Variants in VPS4A observed in about 807,000 individuals in gnomAD.
VPS4A encodes the protein vacuolar protein sorting 4 homolog A.
VPS4A carries 20 observed loss-of-function variants against 52.3 expected under a neutral mutation model. The observed-to-expected ratio is 0.38, with a 90% CI of 0.27 to 0.56. VPS4A has a LOEUF of 0.56. VPS4A is among the 20% of genes least tolerant of loss of function. The pLI is 0.72. For missense variants in VPS4A, 419 were observed against 575.9 expected, an observed-to-expected ratio of 0.73 and a Z score of 2.79; for synonymous variants, 293 against 227.7, an observed-to-expected ratio of 1.29 and a Z score of -2.58.
In VPS4A at chr16:69,318,727, C is replaced by T. The variant is rs745854944; in HGVS notation, c.343+16C>T. The T allele has an allele frequency of 6.2e-7, 1 of 1,613,570 alleles. No individual in the cohort carries two copies. Among genetic ancestry groups the T allele is most frequent in the Non-Finnish European group, 8.5e-7 (1 of 1,179,774 alleles). ...CAGCTGATGGGTAAGTGGCTCGCGG[C>T]CCTGTGGCAGCGGCAGGGGATGAGA... On this transcript the variant is annotated intron_variant, in intron 4 of 10. Coordinates refer to ENST00000254950, the MANE Select transcript of VPS4A (RefSeq NM_013245.3).
At chr16:69,312,073 A>C (rs527461321) in intron 1 of VPS4A, among the ~76,000 whole-genome samples, 1 of 152,084 alleles carries the variant, frequency 6.6e-6, no homozygotes, top group South Asian at 2.1e-4. Flanking sequence ...CAACTGACCC[A>C]CCCTCTAGGT....
At position 69,324,884 on chromosome 16, in the gene VPS4A, T is replaced by TG. The variant is rs1200007963; in HGVS notation, c.*580dup. The stretch of plus-strand genomic sequence containing the variant: ...TTCACATCCAGGGCTGTGTCTTCCT[T>TG]GGGGGAGGAGATGGTGTCGTTTAGA... On this transcript the variant is annotated 3_prime_UTR_variant, in exon 11 of 11. Transcript: ENST00000254950. The TG allele has an allele frequency of 6.3e-6, 1 of 159,534 alleles. No homozygotes were observed. Among genetic ancestry groups the TG allele is most frequent in the East Asian group, 1.8e-4 (1 of 5,678 alleles). The allele number at this position is 159,534 out of a possible 1,614,324, so 9.9% of individuals were successfully genotyped here.
chr16:69,324,407 C>A lies in VPS4A; in HGVS notation c.*98C>A. 7.8e-7 allele frequency: 1 copy of A among 1,288,498 alleles called. No homozygotes were observed. The highest frequency in any genetic ancestry group is 1.1e-6 in the Non-Finnish European group (1 of 910,962). 79.8% of individuals were successfully genotyped at this position (1,288,498 alleles called of 1,614,324 possible). A position where few individuals can be genotyped will look rare whatever the true frequency, so the allele number is the denominator to read the frequency against. The stretch of plus-strand genomic sequence containing the variant: ...AGCCAGACAGGGCTCCAGGGCTTGT[C>A]CCAGTCAATACAGAGTTCCCTCTGC... On this transcript the variant is annotated 3_prime_UTR_variant, in exon 11 of 11. Coordinates refer to ENST00000254950, the MANE Select transcript of VPS4A (RefSeq NM_013245.3).
At chr16:69,315,211 TAATA>T (rs1965421612) in intron 1 of VPS4A, among the ~76,000 whole-genome samples, 1 of 151,978 alleles carries the variant, frequency 6.6e-6, no homozygotes. Flanking sequence ...AAAATAATAA[TAATA>T]AATAAAACCA....
rs1367024931 is a variant in VPS4A, at chr16:69,311,525, C to T, written c.14C>T (p.Thr5Ile). 2.2e-6 allele frequency: 3 copies of T among 1,355,742 alleles called. No individual in the cohort carries two copies. The African/African-American group carries it at 4.5e-5, about 20-fold the overall frequency. The allele number at this position is 1,355,742 out of a possible 1,614,324, so 84.0% of individuals were successfully genotyped here. Reference protein sequence around the residue: MTTSTLQKAIDLVTK... With the variant: MTTSILQKAIDLVTK... ...CCAGGAGATGAAATGACAACGTCAACCCTCCAGGTACTTCGTGCGGCCCGG... is the reference window on the plus strand; with the variant it reads ...CCAGGAGATGAAATGACAACGTCAATCCTCCAGGTACTTCGTGCGGCCCGG... The change falls in exon 1 of 11, where the codon ACC becomes ATC. Residue 5 changes from threonine (T) to isoleucine (I), a missense_variant. By Grantham distance (89) the Thr-to-Ile change is moderately conservative. This residue lies in a region of VPS4A where 131 missense variants were observed against 165.4 expected (regional missense o/e 0.79). Transcript: ENST00000254950.
In VPS4A at chr16:69,325,055, T is replaced by C. The variant is rs1397011382; in HGVS notation, c.*746T>C. 6.6e-6 allele frequency: 1 copy of C among 152,314 alleles called. No homozygotes were observed. Among genetic ancestry groups the C allele is most frequent in the Non-Finnish European group, 1.5e-5 (1 of 68,100 alleles). 9.4% of individuals were successfully genotyped at this position (152,314 alleles called of 1,614,324 possible). On this transcript the variant is annotated 3_prime_UTR_variant, in exon 11 of 11. Transcript: ENST00000254950. ...CCCTTCTTGAGCTACCCAAGTGATCTCATCTTTCCTTGACTCTTAACTGAG... is the reference window on the plus strand; with the variant it reads ...CCCTTCTTGAGCTACCCAAGTGATCCCATCTTTCCTTGACTCTTAACTGAG...
In VPS4A at chr16:69,320,523, G is replaced by A; in HGVS notation, c.770-165G>A. On this transcript the variant is annotated intron_variant, in intron 7 of 10. Coordinates refer to ENST00000254950, the MANE Select transcript of VPS4A (RefSeq NM_013245.3). This position sits in a 1 kb window ranked among gnomAD's most constrained non-coding sequence, Gnocchi z 4.2. ...AGTGCCATAGGTCTCACCTGGCACA[G>A]CCAGACCAAGATGTGGTTTAATCTC... is the stretch of plus-strand genomic sequence containing the variant. 1 of 813,698 alleles carries A rather than the reference G, an allele frequency of 1.2e-6. No homozygotes were observed. Among genetic ancestry groups the A allele is most frequent in the African/African-American group, 1.7e-5 (1 of 57,790 alleles). 50.4% of individuals were successfully genotyped at this position (813,698 alleles called of 1,614,324 possible).
In VPS4A at chr16:69,321,192, C is replaced by G. The variant is rs374509299; in HGVS notation, c.993C>G (p.Gly331=). ...ELARKTEGYS[G]ADISIIVRDS... ...CCCGGAAGACGGAAGGCTACTCGGG[C>G]GCGGACATCAGCATCATCGTGCGGG... is the stretch of plus-strand genomic sequence containing the variant. Residue 331 remains glycine, a synonymous_variant, in exon 9 of 11, where the codon GGC becomes GGG. Transcript: ENST00000254950. This position sits in a 1 kb window ranked among gnomAD's most constrained non-coding sequence, Gnocchi z 4.5. The G allele has an allele frequency of 3.5e-5, 55 of 1,572,022 alleles. No homozygotes were observed. The highest frequency in any genetic ancestry group is 1.7e-4 in the Middle Eastern group (1 of 6,018).
chr16:69,317,717 C>T (rs561887502), intron 3 of VPS4A, among the ~76,000 whole-genome samples: 34 of 151,978 alleles, frequency 2.2e-4, no homozygotes, highest in Admixed American at 1.6e-3. Flanking sequence ...GGCGTGAACC[C>T]GGGAGGCGGA....
At chr16:69,315,892 G>C (rs766502247) in intron 1 of VPS4A, 116 bp from the exon 2 acceptor site, 2 of 825,656 alleles carry the variant, frequency 2.4e-6, no homozygotes, top group Non-Finnish European at 3.8e-6. Context: ...TGGCCCGCAA[G>C]CAATAAATCC....
Position 69,326,269 on chromosome 16 carries a change from C to T in VPS4A, c.*1960C>T, listed in dbSNP as rs1376666324. On this transcript the variant is annotated 3_prime_UTR_variant, in exon 11 of 11. Coordinates refer to ENST00000254950, the MANE Select transcript of VPS4A (RefSeq NM_013245.3). Reference sequence around the variant, plus strand: ...CAGAGCCTCTGCAGAAGTGAGCTAACTTTGGATCAGTAGCTCCAACACTTG... The same window carrying T: ...CAGAGCCTCTGCAGAAGTGAGCTAATTTTGGATCAGTAGCTCCAACACTTG... 7 of 152,228 alleles carry T rather than the reference C, an allele frequency of 4.6e-5. No homozygotes were observed. The highest frequency in any genetic ancestry group is 3.3e-4 in the Admixed American group (5 of 15,274). The allele number at this position is 152,228 out of a possible 1,614,324, so 9.4% of individuals were successfully genotyped here. A position where few individuals can be genotyped will look rare whatever the true frequency, so the allele number is the denominator to read the frequency against.
At chr16:69,319,349 C>A (rs1487322893) in intron 5 of VPS4A, 38 bp from the exon 6 acceptor site, 2 of 1,609,378 alleles carry the variant, frequency 1.2e-6, no homozygotes, top group East Asian at 4.5e-5. Flanking sequence ...TTCCTTTCCC[C>A]AGTCAGGAGG....
chr16:69,314,742 A>G (rs1274075358), intron 1 of VPS4A, among the ~76,000 whole-genome samples: 4 of 151,910 alleles, frequency 2.6e-5, no homozygotes, highest in Non-Finnish European at 5.9e-5. Context: ...CCTTGCAGAT[A>G]AGAGAGGGCT....
Position 69,311,498 on chromosome 16 carries a change from AC to A in VPS4A, c.-11del. 1.5e-6 allele frequency: 2 copies of A among 1,350,632 alleles called. No individual in the cohort carries two copies. Among genetic ancestry groups the A allele is most frequent in the South Asian group, 2.1e-5 (1 of 48,596 alleles). 83.7% of individuals were successfully genotyped at this position (1,350,632 alleles called of 1,614,324 possible). A position where few individuals can be genotyped will look rare whatever the true frequency, so the allele number is the denominator to read the frequency against. Reference sequence around the variant, plus strand: ...AGCAGCGCCGCGGGGTGTGGGGCGGACCCAGGAGATGAAATGACAACGTCAA... The same window carrying A: ...AGCAGCGCCGCGGGGTGTGGGGCGGACCAGGAGATGAAATGACAACGTCAA... On this transcript the variant is annotated 5_prime_UTR_variant, in exon 1 of 11. Transcript: ENST00000254950.
chr16:69,316,176 G>T (rs766137488), intron 2 of VPS4A, 49 bp from the exon 3 acceptor site: 48 of 1,612,390 alleles, frequency 3.0e-5, no homozygotes, highest in Non-Finnish European at 3.6e-5. Flanking sequence ...CGGAGGAGAG[G>T]GGGTGGCGCA....
At chr16:69,314,148 G>A (rs150379247) in intron 1 of VPS4A, among the ~76,000 whole-genome samples, 3,545 of 151,912 alleles carry the variant, frequency 0.023, 139 homozygotes, top group African/African-American at 0.081. Flanking sequence ...TGTATTTTTA[G>A]TAGAGATGGT....
At position 69,316,260 on chromosome 16, in the gene VPS4A, C is replaced by T. The variant is rs1420303551; in HGVS notation, c.169C>T (p.Arg57Ter). ...AHSDKAKESI[R>*]AKCVQYLDRA... The stretch of plus-strand genomic sequence containing the variant: ...CAGCGACAAGGCCAAGGAGAGCATT[C>T]GAGCCAAGTGCGTGCAGTACCTAGA... Residue 57 changes from arginine (R) to a stop codon, truncating the protein, a stop_gained, in exon 3 of 11, where the codon CGA becomes TGA. Coordinates refer to ENST00000254950, the MANE Select transcript of VPS4A (RefSeq NM_013245.3). LOFTEE classifies it high-confidence loss of function. The T allele has an allele frequency of 6.2e-7, 1 of 1,613,578 alleles. No individual in the cohort carries two copies.
At chr16:69,316,157 A>G (rs771263585) in intron 2 of VPS4A, 38 bp downstream of exon 2, 1 of 1,612,666 alleles carries the variant, frequency 6.2e-7, no homozygotes, top group Non-Finnish European at 8.5e-7. Flanking sequence ...GCCGCACTCC[A>G]GAGGGGAGCG....
chr16:69,322,570 C>A lies in VPS4A; in HGVS notation c.1082C>A (p.Pro361His), dbSNP rs372786596. The change falls in exon 10 of 11, where the codon CCC (proline) becomes CAC (histidine). Residue 361 changes from proline (P) to histidine (H), a missense_variant. Pro to His is a moderately conservative substitution (Grantham distance 77). Around this residue, in one of 3 missense-constraint regions of VPS4A, gnomAD observed 185 missense variants for 200.2 expected, o/e 0.92. Transcript: ENST00000254950. ...SATHFKKVCG[P>H]SRTNPSMMID... ...TCCATTTGGTTTCAGGTCTGTGGCC[C>A]CTCTCGCACCAACCCCAGCATGATG... The A allele has an allele frequency of 2.1e-4, 332 of 1,612,734 alleles. No homozygotes were observed. Among genetic ancestry groups the A allele is most frequent in the Non-Finnish European group, 2.6e-4 (310 of 1,179,302 alleles).
Sources: gnomAD v4.1 joint callset for allele counts (sites outside exome capture counted in the v4.1 genomes callset) on GRCh38, gnomAD v4.1.1 for gene constraint, gnomAD v4.1.1 regional missense constraint, Gnocchi (gnomAD v3.1) non-coding constraint, MANE v1.5 for transcripts, NCBI Gene and HGNC (gene_info 2026-07-23, HGNC 2026-07-21) for gene names.